KCND2: variants seen among roughly 807,000 people sequenced by gnomAD.
KCND2 encodes potassium voltage-gated channel subfamily D member 2.
A neutral mutation model predicts 54.4 loss-of-function variants in KCND2; 16 were observed. The observed-to-expected ratio is 0.29, with a 90% CI of 0.20 to 0.45. The LOEUF (loss-of-function observed/expected upper bound fraction) is 0.45, where lower values mean the gene tolerates loss of function less well. Among genes scored for constraint, KCND2 ranks in the 20% least tolerant of loss-of-function variants. KCND2 has a pLI of 1.00. For synonymous variants in KCND2, 317 were observed against 310.7 expected (o/e 1.02, Z -0.21); for missense variants, 486 against 824.2 (o/e 0.59, Z 5.02).
At chr7:120,520,801 T>G (rs946340153) in intron 1 of KCND2, among the ~76,000 whole-genome samples, 2 of 152,232 alleles carry the variant, frequency 1.3e-5, no homozygotes, top group African/African-American at 2.4e-5. Context: ...TACAAATAAT[T>G]TCCACATTTT....
At chr7:120,599,650 A>C in intron 1 of KCND2, among the ~76,000 whole-genome samples, 1 of 152,088 alleles carries the variant, frequency 6.6e-6, no homozygotes, top group East Asian at 1.9e-4. Flanking sequence ...AAATAAAATT[A>C]ATAATTTTCA....
chr7:120,398,824 G>C (rs1030684037), intron 1 of KCND2, among the ~76,000 whole-genome samples: 1 of 152,030 alleles, frequency 6.6e-6, no homozygotes, highest in African/African-American at 2.4e-5. Context: ...TACCCTTAAT[G>C]GACTAAAGTA....
intron 1 of KCND2, among the ~76,000 whole-genome samples, chr7:120,687,628 G>A (rs992695594): frequency 5.3e-5 from 8 of 151,718 alleles, no homozygotes; most frequent in Non-Finnish European, 1.2e-4. Context: ...CCAGCCTGGG[G>A]AACATAGTGG....
At position 120,629,209 on chromosome 7, in the gene KCND2, C is replaced by G. The variant is rs555992301; in HGVS notation, c.1116-103694C>G. ...TATATGAGTATTAGAAAGAAGGGGCCGGGCACAGTGGCTCACGCCTGTAAT... is the reference window on the plus strand; with the variant it reads ...TATATGAGTATTAGAAAGAAGGGGCGGGGCACAGTGGCTCACGCCTGTAAT... On this transcript the variant is annotated intron_variant, in intron 1 of 5. Transcript: ENST00000331113. Among the ~76,000 whole-genome samples the G allele has an allele frequency of 2.4e-3, 358 of 152,270 alleles. 2 individuals carry two copies. Among genetic ancestry groups the G allele is most frequent in the African/African-American group, 8.3e-3 (347 of 41,574 alleles).
intron 1 of KCND2, among the ~76,000 whole-genome samples, chr7:120,557,980 C>G (rs1283233989): frequency 6.6e-6 from 1 of 152,074 alleles, no homozygotes; most frequent in Non-Finnish European, 1.5e-5. Context: ...GTACAATAGT[C>G]CTAATTGGCT....
intron 1 of KCND2, among the ~76,000 whole-genome samples, chr7:120,420,739 G>T (rs1801599159): frequency 6.6e-6 from 1 of 151,938 alleles, no homozygotes; most frequent in Non-Finnish European, 1.5e-5. Flanking sequence ...ATAGGTAAGA[G>T]GGAAAAAAAT....
chr7:120,721,218 A>G (rs1040264328), intron 1 of KCND2, among the ~76,000 whole-genome samples: 3 of 152,178 alleles, frequency 2.0e-5, no homozygotes, highest in African/African-American at 7.2e-5. Context: ...ATACAACCAC[A>G]GGGCATATTC....
intron 1 of KCND2, among the ~76,000 whole-genome samples, chr7:120,635,007 C>T (rs76349835): frequency 0.011 from 1,658 of 152,288 alleles, 10 homozygotes; most frequent in Non-Finnish European, 0.015. Flanking sequence ...TGATTTCTAT[C>T]GATCTTCAAA....
At chr7:120,469,945 A>G (rs1016751240) in intron 1 of KCND2, among the ~76,000 whole-genome samples, 3 of 152,084 alleles carry the variant, frequency 2.0e-5, no homozygotes, top group African/African-American at 7.2e-5. Context: ...GTGTTGTTTC[A>G]TTTTATAGAT....
chr7:120,609,569 A>G (rs1792925903), intron 1 of KCND2, among the ~76,000 whole-genome samples: 1 of 152,100 alleles, frequency 6.6e-6, no homozygotes, highest in Non-Finnish European at 1.5e-5. Context: ...AGTTTTGTGA[A>G]CTTTTGAAAT....
intron 1 of KCND2, among the ~76,000 whole-genome samples, chr7:120,583,452 G>C (rs955713424): frequency 1.3e-5 from 2 of 152,128 alleles, no homozygotes; most frequent in African/African-American, 4.8e-5. Flanking sequence ...GCTGACATGA[G>C]AAAGTACCAT....
chr7:120,295,462 C>T (rs923468906), intron 1 of KCND2, among the ~76,000 whole-genome samples: 1 of 150,710 alleles, frequency 6.6e-6, no homozygotes, highest in Non-Finnish European at 1.5e-5. Context: ...GGTAATAAAA[C>T]TTATGTCAGG....
At chr7:120,322,324 C>T (rs1262493403) in intron 1 of KCND2, among the ~76,000 whole-genome samples, 1 of 152,040 alleles carries the variant, frequency 6.6e-6, no homozygotes, top group Admixed American at 6.6e-5. Flanking sequence ...TTCTATATTA[C>T]TTTGCAGATG....
At chr7:120,734,767 A>G (rs1318157111) in intron 2 of KCND2, among the ~76,000 whole-genome samples, 2 of 152,132 alleles carry the variant, frequency 1.3e-5, no homozygotes, top group East Asian at 3.9e-4. Flanking sequence ...ATCCAAAACC[A>G]TTCATAATCA....
At chr7:120,526,848 G>A (rs1791782952) in intron 1 of KCND2, among the ~76,000 whole-genome samples, 2 of 151,838 alleles carry the variant, frequency 1.3e-5, no homozygotes, top group Non-Finnish European at 2.9e-5. Context: ...CTATTGACAT[G>A]TCATTAATTT....
chr7:120,669,991 G>C (rs910702345), intron 1 of KCND2, among the ~76,000 whole-genome samples: 4 of 152,008 alleles, frequency 2.6e-5, no homozygotes, highest in Non-Finnish European at 4.4e-5. Context: ...GCTTTCTGCA[G>C]GACCATAGTC....
chr7:120,651,654 ATGAACCTG>A (rs976079259), intron 1 of KCND2, among the ~76,000 whole-genome samples: 1 of 152,164 alleles, frequency 6.6e-6, no homozygotes, highest in Non-Finnish European at 1.5e-5. Context: ...CCCCAGTGAG[ATGAACCTG>A]GTATCTCGGT....
chr7:120,677,280 A>C (rs1001934396), intron 1 of KCND2, among the ~76,000 whole-genome samples: 1 of 152,194 alleles, frequency 6.6e-6, no homozygotes, highest in Non-Finnish European at 1.5e-5. Context: ...CATGACTTAC[A>C]TCGGGGTTCT....
intron 1 of KCND2, among the ~76,000 whole-genome samples, chr7:120,678,297 G>C (rs1351996214): frequency 6.9e-6 from 1 of 145,866 alleles, no homozygotes; most frequent in Non-Finnish European, 1.5e-5. Flanking sequence ...TACTGTAAAA[G>C]TATGTTTATT....
Sources: gnomAD v4.1 joint callset for allele counts (sites outside exome capture counted in the v4.1 genomes callset) on GRCh38, gnomAD v4.1.1 for gene constraint, MANE v1.5 for transcripts, NCBI Gene and HGNC (gene_info 2026-07-23, HGNC 2026-07-21) for gene names.